NOL12: variants seen among roughly 807,000 people sequenced by gnomAD.
The protein encoded by NOL12 is nucleolar protein 12.
Under a neutral mutation model 25.2 loss-of-function variants are expected in NOL12, and 21 were observed. The observed-to-expected ratio is 0.83, with a 90% CI of 0.59 to 1.20. The LOEUF (loss-of-function observed/expected upper bound fraction) is 1.20, where lower values mean the gene tolerates loss of function less well. Among genes scored for constraint, NOL12 ranks in the 50% most tolerant of loss-of-function variants. The pLI, the probability that NOL12 is intolerant of heterozygous loss-of-function variation, is 0.00. For missense variants in NOL12, 286 were observed against 287.6 expected (o/e 0.99, Z 0.04); for synonymous variants, 133 against 113.8 (o/e 1.17, Z -1.08).
rs527853846 is a variant in NOL12, at chr22:37,688,783, G to A, written c.239-67G>A. 3.1e-4 allele frequency: 488 copies of A among 1,570,592 alleles called. 2 individuals carry two copies. In the African/African-American group the frequency reaches 4.9e-3, roughly 16 times the overall value. On this transcript the variant is annotated intron_variant, in intron 3 of 5. Transcript: ENST00000359114. ...TAGAGGGGGCACTGCACTCCAGGGC[G>A]GGAGGGAGGCTGGAGCCTGGTCACT... is the stretch of plus-strand genomic sequence containing the variant.
intron 4 of NOL12, among the ~76,000 whole-genome samples, chr22:37,689,498 C>T (rs778447030): frequency 1.3e-5 from 2 of 152,028 alleles, no homozygotes; most frequent in African/African-American, 2.4e-5. Context: ...GGTTTTCAAC[C>T]TGTGGGTTGT....
At chr22:37,687,408 A>T (rs1447777420) in intron 1 of NOL12, among the ~76,000 whole-genome samples, 1 of 152,124 alleles carries the variant, frequency 6.6e-6, no homozygotes, top group Non-Finnish European at 1.5e-5. Flanking sequence ...TCTGTGACTC[A>T]ACGTTCCCAT....
chr22:37,686,431 C>T lies in NOL12; in HGVS notation c.39C>T (p.Asp13=), dbSNP rs1227354258. 1 of 1,605,804 alleles carries T rather than the reference C, an allele frequency of 6.2e-7. No homozygotes were observed. The highest frequency in any genetic ancestry group is 8.5e-7 in the Non-Finnish European group (1 of 1,176,900). Reference sequence around the variant, plus strand: ...AGAAGAAGAAGCGAGATGGTGACGACCGGCGGCCGAGGCTCGTTCTTAGCT... The same window carrying T: ...AGAAGAAGAAGCGAGATGGTGACGATCGGCGGCCGAGGCTCGTTCTTAGCT... ...RNKKKKRDGD[D]RRPRLVLSFD... Residue 13 remains aspartate, a synonymous_variant, in exon 1 of 6, where the codon GAC becomes GAT. Transcript: ENST00000359114.
chr22:37,687,241 C>T (rs1921857357), intron 1 of NOL12: 1 of 297,306 alleles, frequency 3.4e-6, no homozygotes, highest in Non-Finnish European at 5.0e-6. Context: ...AAGGGGTTAC[C>T]TCATGTACTG....
In NOL12 at chr22:37,691,368, C is replaced by A. The variant is rs376973593; in HGVS notation, c.*32C>A. ...GAACGAAGCGGTGCCCCAGTCTAGGCTGCGGGGACCTGTCCTTGCTCAGCT... is the reference window on the plus strand; with the variant it reads ...GAACGAAGCGGTGCCCCAGTCTAGGATGCGGGGACCTGTCCTTGCTCAGCT... On this transcript the variant is annotated 3_prime_UTR_variant, in exon 6 of 6. Transcript: ENST00000359114. 45 of 1,569,666 alleles carry A rather than the reference C, an allele frequency of 2.9e-5. No individual in the cohort carries two copies. The highest frequency in any genetic ancestry group is 3.7e-5 in the Non-Finnish European group (43 of 1,155,712).
At chr22:37,687,082 T>G in intron 1 of NOL12, 1 of 985,346 alleles carries the variant, frequency 1.0e-6, no homozygotes. Flanking sequence ...ATCAGGAAAC[T>G]CCTAGCGTGC....
In NOL12 at chr22:37,688,904, A is replaced by G. The variant is rs764298561; in HGVS notation, c.293A>G (p.Tyr98Cys). Residue 98 changes from tyrosine to cysteine, a missense_variant, in exon 4 of 6, where the codon TAT becomes TGT. Transcript: ENST00000359114. The part of the protein sequence containing the change: ...LVTAKTESVQ[Y>C]DHPNHTVTVT... ...ACAGCAAAGACGGAGTCGGTGCAGT[A>G]TGACCACCCCAACCACACAGTCACC... 9 of 1,613,982 alleles carry G rather than the reference A, an allele frequency of 5.6e-6. No homozygotes were observed. Among genetic ancestry groups the G allele is most frequent in the Middle Eastern group, 1.6e-4 (1 of 6,062 alleles).
At chr22:37,691,067 C>T (rs1311821922) in intron 5 of NOL12, 107 bp from the exon 6 acceptor site, 1 of 1,326,316 alleles carries the variant, frequency 7.5e-7, no homozygotes, top group Admixed American at 2.1e-5. Context: ...CTGGCATGAA[C>T]TTGGCGGTCC....
In NOL12 at chr22:37,692,531, G is replaced by T. The variant is rs138622195; in HGVS notation, c.*1195G>T. 1,886 of 398,702 alleles carry T rather than the reference G, an allele frequency of 4.7e-3. 11 individuals carry two copies. Among genetic ancestry groups the T allele is most frequent in the Non-Finnish European group, 6.9e-3 (1,549 of 226,116 alleles). 24.7% of individuals were successfully genotyped at this position (398,702 alleles called of 1,614,324 possible). On this transcript the variant is annotated 3_prime_UTR_variant, in exon 6 of 6. Coordinates refer to ENST00000359114, the MANE Select transcript of NOL12 (RefSeq NM_024313.3). ...TTCCTTGTCCCAGCTTGTCAGTCCT[G>T]GGCAGGAGAGAATTTCAGGTTGTGC...
chr22:37,686,847 C>T (rs1330037854), intron 1 of NOL12: 1 of 985,424 alleles, frequency 1.0e-6, no homozygotes, highest in Non-Finnish European at 1.2e-6. Context: ...TCATTCGCTC[C>T]CTAGACATTT....
intron 5 of NOL12, 177 bp downstream of exon 5, chr22:37,690,971 C>T: frequency 1.4e-6 from 1 of 697,516 alleles, no homozygotes; most frequent in Non-Finnish European, 2.4e-6. Context: ...AGTGTCTGAC[C>T]TCCAGTGCTT....
intron 1 of NOL12, chr22:37,687,062 G>A: frequency 1.0e-6 from 1 of 985,424 alleles, no homozygotes; most frequent in Non-Finnish European, 1.2e-6. Context: ...GTAGGGAAAT[G>A]CTGGGCATCA....
chr22:37,689,074 A>G (rs968288391), intron 4 of NOL12, 82 bp downstream of exon 4: 1 of 1,496,880 alleles, frequency 6.7e-7, no homozygotes, highest in Non-Finnish European at 9.1e-7. Context: ...GGCCCATGTC[A>G]TGGGTATCCC....
chr22:37,690,819 C>A, intron 5 of NOL12, 25 bp downstream of exon 5: 1 of 1,541,294 alleles, frequency 6.5e-7, no homozygotes, highest in South Asian at 1.1e-5. Context: ...GCTGCCTCCC[C>A]GGTCCCACCC....
rs758241862 is a variant in NOL12, at chr22:37,690,731, C to T, written c.416C>T (p.Ser139Leu). 1.2e-6 allele frequency: 2 copies of T among 1,613,912 alleles called. No homozygotes were observed. The highest frequency in any genetic ancestry group is 2.7e-5 in the African/African-American group (2 of 75,034). The change falls in exon 5 of 6, where the codon TCA becomes TTA. Residue 139 changes from serine to leucine, a missense_variant. Transcript: ENST00000359114. ...GAGDRSEEEA[S>L]STEKPTKALP... ...GGAGACAGGTCTGAGGAGGAGGCGT[C>T]ATCCACGGAGAAACCAACCAAAGCC...
chr22:37,690,606 AC>A (rs1922022157), intron 4 of NOL12, 90 bp from the exon 5 acceptor site: 1 of 860,672 alleles, frequency 1.2e-6, no homozygotes, highest in African/African-American at 1.7e-5. Flanking sequence ...AGGGCGCGCC[AC>A]CACTTGCCAG....
chr22:37,689,244 C>T (rs1400236722), intron 4 of NOL12, among the ~76,000 whole-genome samples: 2 of 152,242 alleles, frequency 1.3e-5, no homozygotes, highest in African/African-American at 4.8e-5. Flanking sequence ...CACTGCTGAG[C>T]GGCTGAGGAG....
chr22:37,688,389 G>A (rs762828555), intron 3 of NOL12, 29 bp downstream of exon 3: 1 of 1,611,328 alleles, frequency 6.2e-7, no homozygotes, highest in South Asian at 1.1e-5. Context: ...CTGACCTGGA[G>A]AACAGCTGAT....
Position 37,692,762 on chromosome 22 carries a change from C to T in NOL12, c.*1426C>T, listed in dbSNP as rs1038625896. ...GGGGTGAGCAGTGAGCCAGGGTCTGCAGGGCTGTCCTCTCTCCACAGCCAA... is the reference window on the plus strand; with the variant it reads ...GGGGTGAGCAGTGAGCCAGGGTCTGTAGGGCTGTCCTCTCTCCACAGCCAA... On this transcript the variant is annotated 3_prime_UTR_variant, in exon 6 of 6. Coordinates refer to ENST00000359114, the MANE Select transcript of NOL12 (RefSeq NM_024313.3). The T allele has an allele frequency of 5.0e-6, 2 of 398,758 alleles. No individual in the cohort carries two copies. The highest frequency in any genetic ancestry group is 8.8e-5 in the Admixed American group (2 of 22,712). 24.7% of individuals were successfully genotyped at this position (398,758 alleles called of 1,614,324 possible).
Sources: gnomAD v4.1 joint callset for allele counts (sites outside exome capture counted in the v4.1 genomes callset) on GRCh38, gnomAD v4.1.1 for gene constraint, MANE v1.5 for transcripts, NCBI Gene and HGNC (gene_info 2026-07-23, HGNC 2026-07-21) for gene names.